Variants in PKHD1 observed in about 807,000 individuals in gnomAD.
PKHD1 encodes the protein PKHD1 ciliary IPT domain containing fibrocystin/polyductin, also known as fibrocystin.
Under a neutral mutation model 412.0 loss-of-function variants are expected in PKHD1, and 291 were observed. That is an observed-to-expected ratio of 0.71 (90% CI 0.64 to 0.78). PKHD1 has a LOEUF of 0.78. Ranked by LOEUF, PKHD1 falls within the 30% of genes least tolerant of loss-of-function variation. The pLI is 0.00. For synonymous variants in PKHD1, 1,777 were observed against 1,821.5 expected, an observed-to-expected ratio of 0.98 and a Z score of 0.62; for missense variants, 4,825 against 4,950.7, an observed-to-expected ratio of 0.97 and a Z score of 0.76.
chr6:51,747,742 T>G, intron 58 of PKHD1, 45 bp downstream of exon 58: 1 of 1,540,388 alleles, frequency 6.5e-7, no homozygotes, highest in Non-Finnish European at 9.0e-7. Context: ...ATTTTATGCA[T>G]GGATGTATGA....
chr6:51,885,374 G>A (rs1778049158), intron 45 of PKHD1, among the ~76,000 whole-genome samples: 1 of 152,112 alleles, frequency 6.6e-6, no homozygotes, highest in Non-Finnish European at 1.5e-5. Context: ...TATCAATGAC[G>A]AACAGTGCTT....
rs1340926191 is a variant in PKHD1, at chr6:51,904,044, T to A, written c.6809-2A>T. 1 of 1,586,940 alleles carries A rather than the reference T, an allele frequency of 6.3e-7. No individual in the cohort carries two copies. Among genetic ancestry groups the A allele is most frequent in the East Asian group, 2.2e-5 (1 of 44,730 alleles). On this transcript the variant is annotated splice_acceptor_variant, in intron 41 of 66. Transcript: ENST00000371117. LOFTEE classifies it high-confidence loss of function. ...TATATCTCATCTCCGTGCATGTCCC[T>A]GAGAACAAAAGACCCCATTACTTGA...
intron 33 of PKHD1, among the ~76,000 whole-genome samples, chr6:52,020,473 G>T (rs1406923761): frequency 6.6e-6 from 1 of 152,216 alleles, no homozygotes. Context: ...AGAGAGGGCT[G>T]AAAAGTGAGA....
intron 52 of PKHD1, among the ~76,000 whole-genome samples, chr6:51,823,519 T>C (rs181652485): frequency 1.8e-4 from 28 of 152,234 alleles, no homozygotes; most frequent in Admixed American, 1.7e-3. Flanking sequence ...ATAAAGAGTG[T>C]CAAGGCCTAC....
chr6:51,637,919 A>T (rs1257998059), intron 64 of PKHD1, among the ~76,000 whole-genome samples: 6 of 152,272 alleles, frequency 3.9e-5, no homozygotes, highest in Non-Finnish European at 8.8e-5. Context: ...AACAAAAAAA[A>T]ATCCAAAACT....
intron 34 of PKHD1, among the ~76,000 whole-genome samples, chr6:52,011,473 G>T (rs1799814403): frequency 6.6e-6 from 1 of 152,184 alleles, no homozygotes; most frequent in Admixed American, 6.5e-5. Flanking sequence ...AACTACGGTA[G>T]CTCCGAGGTC....
At chr6:52,023,018 AT>A in intron 32 of PKHD1, 74 bp from the exon 33 acceptor site, 2 of 1,549,044 alleles carry the variant, frequency 1.3e-6, no homozygotes, top group Non-Finnish European at 1.8e-6. Context: ...AAATTCAAAC[AT>A]TTGCTTCCTC....
chr6:51,737,226 C>G (rs1783968452), intron 60 of PKHD1, among the ~76,000 whole-genome samples: 1 of 152,114 alleles, frequency 6.6e-6, no homozygotes, highest in Non-Finnish European at 1.5e-5. Context: ...GACCACAGTA[C>G]TTTGCTGGAA....
At chr6:51,889,542 A>G (rs1021562898) in intron 43 of PKHD1, among the ~76,000 whole-genome samples, 3 of 152,372 alleles carry the variant, frequency 2.0e-5, no homozygotes, top group African/African-American at 7.2e-5. Flanking sequence ...TCTGAAATTT[A>G]AATTTGACCA....
intron 43 of PKHD1, among the ~76,000 whole-genome samples, chr6:51,892,782 T>G (rs1040144130): frequency 2.0e-5 from 3 of 152,230 alleles, no homozygotes; most frequent in African/African-American, 7.2e-5. Context: ...AAAAAACATT[T>G]ATTAGCATTA....
chr6:51,842,707 AC>A (rs1770436794), intron 50 of PKHD1, among the ~76,000 whole-genome samples: 1 of 151,876 alleles, frequency 6.6e-6, no homozygotes, highest in African/African-American at 2.4e-5. Flanking sequence ...TGTGATGAAG[AC>A]CTCCTCCTGG....
At chr6:52,013,085 C>A (rs540107913) in intron 34 of PKHD1, among the ~76,000 whole-genome samples, 187 of 152,200 alleles carry the variant, frequency 1.2e-3, no homozygotes, top group Non-Finnish European at 2.0e-3. Flanking sequence ...GTTTTTTGTA[C>A]CCAGTTTATG....
At chr6:51,743,284 G>T (rs1239739948) in intron 60 of PKHD1, among the ~76,000 whole-genome samples, 2 of 152,140 alleles carry the variant, frequency 1.3e-5, no homozygotes, top group East Asian at 1.9e-4. Context: ...GGTAGTAGTG[G>T]AGGAAATGAG....
chr6:51,624,971 C>A (rs1174562707), intron 66 of PKHD1, among the ~76,000 whole-genome samples: 2 of 151,902 alleles, frequency 1.3e-5, no homozygotes, highest in Non-Finnish European at 2.9e-5. Context: ...GTGACATGAG[C>A]AGACATGGAT....
intron 55 of PKHD1, among the ~76,000 whole-genome samples, chr6:51,759,567 A>G (rs1008752652): frequency 6.6e-6 from 1 of 152,136 alleles, no homozygotes; most frequent in Non-Finnish European, 1.5e-5. Flanking sequence ...GGTTGAAATA[A>G]AGAAGTAAAA....
At chr6:51,970,605 T>C (rs1793527919) in intron 35 of PKHD1, among the ~76,000 whole-genome samples, 1 of 152,368 alleles carries the variant, frequency 6.6e-6, no homozygotes, top group African/African-American at 2.4e-5. Flanking sequence ...AAGTCTTCAA[T>C]CCATCTTGAG....
chr6:51,769,733 T>C (rs1789733054), intron 55 of PKHD1, among the ~76,000 whole-genome samples: 1 of 151,396 alleles, frequency 6.6e-6, no homozygotes, highest in Admixed American at 6.6e-5. Context: ...TTAGAATAAC[T>C]GTCAATATGA....
chr6:51,868,300 T>C (rs1356173430), intron 47 of PKHD1, among the ~76,000 whole-genome samples, 191 bp from the exon 48 acceptor site: 1 of 152,182 alleles, frequency 6.6e-6, no homozygotes, highest in Non-Finnish European at 1.5e-5. Context: ...TCTGGTGTGC[T>C]AGAGATACTA....
At position 52,059,920 on chromosome 6, in the gene PKHD1, G is replaced by T; in HGVS notation, c.1233+8C>A. The T allele has an allele frequency of 7.7e-7, 1 of 1,297,322 alleles. No homozygotes were observed. The highest frequency in any genetic ancestry group is 1.1e-6 in the Non-Finnish European group (1 of 890,298). 80.4% of individuals were successfully genotyped at this position (1,297,322 alleles called of 1,614,324 possible). The stretch of plus-strand genomic sequence containing the variant: ...CAGAGAAAAGGAAAATGAGAAGACA[G>T]TGAATACCTTAGTCCTTGGTTCCTC... On this transcript the variant is annotated splice_region_variant and intron_variant, in intron 15 of 66. Coordinates refer to ENST00000371117, the MANE Select transcript of PKHD1 (RefSeq NM_138694.4).
Sources: gnomAD v4.1 joint callset for allele counts (sites outside exome capture counted in the v4.1 genomes callset) on GRCh38, gnomAD v4.1.1 for gene constraint, MANE v1.5 for transcripts, NCBI Gene and HGNC (gene_info 2026-07-23, HGNC 2026-07-21) for gene names.